BIRC6: variants seen among roughly 807,000 people sequenced by gnomAD.
BIRC6 encodes the protein dual E2 ubiquitin-conjugating enzyme/E3 ubiquitin-protein ligase BIRC6.
A neutral mutation model predicts 503.3 loss-of-function variants in BIRC6; 98 were observed. The observed-to-expected ratio is 0.19, with a 90% CI of 0.17 to 0.23. The LOEUF (loss-of-function observed/expected upper bound fraction) is 0.23. BIRC6 is among the 10% of genes least tolerant of loss of function. The probability of loss-of-function intolerance (pLI) is 1.00; values close to 1 mark genes in which losing one functional copy is unlikely to be tolerated. For synonymous variants in BIRC6, 2,240 were observed against 2,078.7 expected (o/e 1.08, Z -2.11); for missense variants, 5,360 against 5,806.0 (o/e 0.92, Z 2.50).
Position 32,401,488 on chromosome 2 carries a change from C to T in BIRC6, c.1283C>T (p.Ala428Val). 1 of 1,613,878 alleles carries T rather than the reference C, an allele frequency of 6.2e-7. No homozygotes were observed. The highest frequency in any genetic ancestry group is 8.5e-7 in the Non-Finnish European group (1 of 1,179,868). Reference protein sequence around the residue: ...MKVHLKFEINAYDPAIVQQLI... With the variant: ...MKVHLKFEINVYDPAIVQQLI... The stretch of plus-strand genomic sequence containing the variant: ...GTGCACTTAAAGTTTGAAATTAATG[C>T]CTATGATCCAGCAATTGTACAACAG... Residue 428 changes from alanine to valine, a missense_variant, in exon 8 of 74, where the codon GCC becomes GTC. Ala to Val is a moderately conservative substitution (Grantham distance 64). This residue lies in a region of BIRC6 where 700 missense variants were observed against 739.3 expected (regional missense o/e 0.95). Transcript: ENST00000421745.
intron 21 of BIRC6, among the ~76,000 whole-genome samples, chr2:32,446,368 G>C (rs118097900): frequency 1.3e-5 from 2 of 152,294 alleles, no homozygotes; most frequent in East Asian, 3.8e-4. Flanking sequence ...AACTTCTAAC[G>C]TGATGAATTA....
At chr2:32,426,965 C>G (rs1300798942) in intron 10 of BIRC6, among the ~76,000 whole-genome samples, 1 of 152,158 alleles carries the variant, frequency 6.6e-6, no homozygotes, top group African/African-American at 2.4e-5. Flanking sequence ...CCTCTGGTCT[C>G]CATTGTTTCT....
intron 34 of BIRC6, 41 bp from the exon 35 acceptor site, chr2:32,477,327 A>G (rs1256819924): frequency 1.3e-6 from 2 of 1,579,928 alleles, no homozygotes; most frequent in South Asian, 1.1e-5. Flanking sequence ...AATTTTCATT[A>G]AGTAAACATT....
intron 11 of BIRC6, 60 bp from the exon 12 acceptor site, chr2:32,430,805 C>CTTTTTTTTTTTTTTTTTTTTTT (rs370529825): frequency 2.2e-6 from 1 of 456,306 alleles, no homozygotes; most frequent in Non-Finnish European, 3.7e-6. Flanking sequence ...TCATTGTCTT[C>CTTTTTTTTTTTTTTTTTTTTTT]TTTTTTTTTT....
intron 21 of BIRC6, among the ~76,000 whole-genome samples, chr2:32,446,547 G>A (rs898229648): frequency 1.4e-4 from 21 of 151,950 alleles, no homozygotes; most frequent in African/African-American, 4.4e-4. Flanking sequence ...AATGATTCAC[G>A]GGAGAGAATG....
chr2:32,511,555 C>G (rs866660896), intron 53 of BIRC6, among the ~76,000 whole-genome samples: 42 of 129,718 alleles, frequency 3.2e-4, no homozygotes, highest in African/African-American at 1.0e-3. Flanking sequence ...TGGTCTCAAT[C>G]TCCTGACCTC....
At chr2:32,537,078 A>G (rs2057296480) in intron 61 of BIRC6, among the ~76,000 whole-genome samples, 1 of 152,182 alleles carries the variant, frequency 6.6e-6, no homozygotes, top group East Asian at 1.9e-4. Context: ...TTACTGGTGT[A>G]TAAGAATGCG....
At chr2:32,538,500 A>G (rs2057410324) in intron 61 of BIRC6, among the ~76,000 whole-genome samples, 1 of 152,244 alleles carries the variant, frequency 6.6e-6, no homozygotes, top group Non-Finnish European at 1.5e-5. Context: ...AAAAATCAAA[A>G]TAGACTCTTC....
chr2:32,516,515 CAAAAA>C (rs540024426), intron 55 of BIRC6, among the ~76,000 whole-genome samples: 1 of 51,192 alleles, frequency 2.0e-5, no homozygotes, highest in African/African-American at 7.0e-5. Context: ...GACTCTGTCT[CAAAAA>C]AAAAAAAAAA....
intron 71 of BIRC6, 110 bp from the exon 72 acceptor site, chr2:32,607,338 GTGATAGA>G: frequency 1.5e-6 from 1 of 686,140 alleles, no homozygotes; most frequent in South Asian, 3.9e-5. Context: ...TGATTTTATT[GTGATAGA>G]AATTTGTGGA....
chr2:32,461,073 C>CTCTTCTGT lies in BIRC6; in HGVS notation c.4754-2118_4754-2117insTCTGTTCT, dbSNP rs1558790099. Among the ~76,000 whole-genome samples, 8 of 4,474 alleles carry CTCTTCTGT rather than the reference C, an allele frequency of 1.8e-3. 3 individuals are homozygous for CTCTTCTGT. The highest frequency in any genetic ancestry group is 2.9e-3 in the African/African-American group (5 of 1,706). The allele number at this position is 4,474 out of a possible 152,430, so 2.9% of individuals were successfully genotyped here. A position where few individuals can be genotyped will look rare whatever the true frequency, so the allele number is the denominator to read the frequency against. ...TTCTCTTCTCTTCTCTTCTGTTCTC[C>CTCTTCTGT]TCTCCTCTCCTCTCCTCTCCTCTCC... On this transcript the variant is annotated intron_variant, in intron 23 of 73. Coordinates refer to ENST00000421745, the MANE Select transcript of BIRC6 (RefSeq NM_016252.4).
intron 1 of BIRC6, among the ~76,000 whole-genome samples, chr2:32,367,888 G>C (rs2035199595): frequency 1.3e-5 from 2 of 152,194 alleles, no homozygotes; most frequent in African/African-American, 4.8e-5. Context: ...ATGCATCTTA[G>C]AGGAGGTAAA....
chr2:32,434,663 T>G (rs1365413238), intron 13 of BIRC6, among the ~76,000 whole-genome samples: 1 of 152,004 alleles, frequency 6.6e-6, no homozygotes, highest in Non-Finnish European at 1.5e-5. Context: ...GCCTGGGAAG[T>G]ATAGCAAGCA....
chr2:32,430,826 TCCA>T, intron 11 of BIRC6, 36 bp from the exon 12 acceptor site: 2 of 939,274 alleles, frequency 2.1e-6, no homozygotes, highest in South Asian at 1.8e-5. Flanking sequence ...TTTTTTTTTT[TCCA>T]CACCTATTTC....
chr2:32,432,204 C>T (rs1486814642), intron 12 of BIRC6, among the ~76,000 whole-genome samples: 4 of 151,958 alleles, frequency 2.6e-5, no homozygotes, highest in Non-Finnish European at 4.4e-5. Flanking sequence ...TCAGTTGAGG[C>T]CAGGAGTTTA....
rs1573589135 is a variant in BIRC6 at position 32,357,229 on chromosome 2, T to C, written c.68T>C (p.Leu23Pro). ...VTEPLPSVIV[L>P]SAGRKMAAAA... ...GAGCCGCTTCCCAGTGTGATTGTGC[T>C]GAGCGCAGGCCGGAAGATGGCGGCT... The change falls in exon 1 of 74, where the codon CTG becomes CCG. Residue 23 changes from leucine to proline, a missense_variant. By Grantham distance (98) the Leu-to-Pro change is moderately conservative. Transcript: ENST00000421745. This position sits in a 1 kb window ranked among gnomAD's most constrained non-coding sequence, Gnocchi z 4.9. The C allele has an allele frequency of 1.3e-6, 2 of 1,530,464 alleles. No individual in the cohort carries two copies. Among genetic ancestry groups the C allele is most frequent in the East Asian group, 2.6e-5 (1 of 38,276 alleles). 94.8% of individuals were successfully genotyped at this position (1,530,464 alleles called of 1,614,324 possible). A position where few individuals can be genotyped will look rare whatever the true frequency, so the allele number is the denominator to read the frequency against.
chr2:32,512,803 A>C, intron 53 of BIRC6, 130 bp from the exon 54 acceptor site: 1 of 694,398 alleles, frequency 1.4e-6, no homozygotes, highest in East Asian at 2.8e-5. Flanking sequence ...TTTTAGATTA[A>C]AATAATCAAA....
rs918548700 is a variant in BIRC6, at chr2:32,415,545, T to C, written c.2254T>C (p.Cys752Arg). 9.3e-6 allele frequency: 15 copies of C among 1,614,034 alleles called. No individual in the cohort carries two copies. The highest frequency in any genetic ancestry group is 1.3e-5 in the African/African-American group (1 of 75,068). ...TCATTTGTTGGTAGGACTGCGGACA[T>C]GCCCTGTTGAATCCTTGAGTGCAAT... ...GIHLLVGLRT[C>R]PVESLSAINQ... Residue 752 changes from cysteine (C) to arginine (R), a missense_variant, in exon 10 of 74, where the codon TGC becomes CGC. Cys to Arg is a radical substitution (Grantham distance 180, BLOSUM62 -3). This residue lies in a region of BIRC6 where 700 missense variants were observed against 739.3 expected (regional missense o/e 0.95). Transcript: ENST00000421745.
In BIRC6 at chr2:32,575,047, C is replaced by T. The variant is rs549063815; in HGVS notation, c.13145-109C>T. The T allele has an allele frequency of 2.2e-4, 259 of 1,176,470 alleles. No homozygotes were observed. The African/African-American group carries it at 2.3e-3, about 10-fold the overall frequency. The allele number at this position is 1,176,470 out of a possible 1,614,324, so 72.9% of individuals were successfully genotyped here. A position where few individuals can be genotyped will look rare whatever the true frequency, so the allele number is the denominator to read the frequency against. ...ACAGGCCTGAACCAGCGTGCCCAGC[C>T]GGGTCAGCTGTGGACCTTGGTAAGA... On this transcript the variant is annotated intron_variant, in intron 65 of 73. Transcript: ENST00000421745.
Sources: allele counts gnomAD v4.1 joint callset (sites outside exome capture counted in the v4.1 genomes callset), GRCh38; gene constraint gnomAD v4.1.1; regional missense constraint gnomAD v4.1.1; non-coding constraint Gnocchi (gnomAD v3.1); transcripts MANE v1.5; gene names NCBI Gene and HGNC (gene_info 2026-07-23, HGNC 2026-07-21).